The following DPP6 variants were observed in gnomAD, a reference collection of about 807,000 sequenced individuals.
DPP6 encodes the protein A-type potassium channel modulatory protein DPP6.
Under a neutral mutation model 122.6 loss-of-function variants are expected in DPP6, and 69 were observed. That is an observed-to-expected ratio of 0.56 (90% confidence interval 0.46 to 0.69). The LOEUF (loss-of-function observed/expected upper bound fraction) is 0.69. DPP6 is among the 30% of genes least tolerant of loss of function. The probability of loss-of-function intolerance (pLI) is 0.00; values close to 1 mark genes in which losing one functional copy is unlikely to be tolerated. For missense variants in DPP6, 928 were observed against 1,116.9 expected, an observed-to-expected ratio of 0.83 and a Z score of 2.41; for synonymous variants, 418 against 433.1, an observed-to-expected ratio of 0.97 and a Z score of 0.43.
rs73483853 is a variant in DPP6, at chr7:154,563,851, C to T, written c.553-2991C>T. On this transcript the variant is annotated intron_variant, in intron 4 of 25. Transcript: ENST00000377770. ...CTGAAGTTCAAGGTCAGGTCCAGTG[C>T]GGGTTCAGGTGGTCTGGGCTGGAGA... Among the ~76,000 whole-genome samples, 1,315 of 152,136 alleles carry T rather than the reference C, an allele frequency of 8.6e-3. 19 individuals carry two copies. Among genetic ancestry groups the T allele is most frequent in the African/African-American group, 0.028 (1,182 of 41,490 alleles).
At chr7:154,337,499 A>G in intron 1 of DPP6, among the ~76,000 whole-genome samples, 1 of 152,226 alleles carries the variant, frequency 6.6e-6, no homozygotes, top group East Asian at 1.9e-4. Context: ...CGATATCCAC[A>G]CAGTAGATAC....
chr7:154,086,298 A>G (rs1804416454), intron 1 of DPP6, among the ~76,000 whole-genome samples: 1 of 147,368 alleles, frequency 6.8e-6, no homozygotes, highest in African/African-American at 2.5e-5. Flanking sequence ...CACTGTAACT[A>G]AAGAAGGAGG....
intron 8 of DPP6, among the ~76,000 whole-genome samples, chr7:154,750,879 A>C (rs1843345910): frequency 6.6e-6 from 1 of 152,096 alleles, no homozygotes; most frequent in South Asian, 2.1e-4. Context: ...TGTAAGGAGA[A>C]GGACGGCTCA....
chr7:154,519,331 C>A (rs1826787067), intron 3 of DPP6, among the ~76,000 whole-genome samples: 1 of 152,192 alleles, frequency 6.6e-6, no homozygotes, highest in African/African-American at 2.4e-5. Context: ...ACAGACAGCC[C>A]CCTGGAGCCA....
chr7:153,880,246 T>C, the DPP6 span, among the ~76,000 whole-genome samples: 11 of 152,322 alleles, frequency 7.2e-5, no homozygotes, highest in South Asian at 2.3e-3. Context: ...GTTTGACCAT[T>C]GCTCTTCTAT....
intron 5 of DPP6, among the ~76,000 whole-genome samples, chr7:154,575,343 ATGTGTGTGTGGTGTGTG>A (rs1238756013): frequency 3.7e-5 from 1 of 27,322 alleles, no homozygotes; most frequent in East Asian, 1.5e-3. Flanking sequence ...TGGTGTGTGT[ATGTGTGTGTGGTGTGTG>A]TGTGATGTGT....
rs1834391681 is a variant in DPP6 at position 154,618,181 on chromosome 7, G to A, written c.628-19640G>A. Among the ~76,000 whole-genome samples, 1 of 152,148 alleles carries A rather than the reference G, an allele frequency of 6.6e-6. No homozygotes were observed. Among genetic ancestry groups the A allele is most frequent in the African/African-American group, 2.4e-5 (1 of 41,438 alleles). The stretch of plus-strand genomic sequence containing the variant: ...CTGTATGATCCCGGAATTGTACCCT[G>A]TGAAAAAGCATAGCTGCTTTTCTCA... On this transcript the variant is annotated intron_variant, in intron 5 of 25. Coordinates refer to ENST00000377770, the MANE Select transcript of DPP6 (RefSeq NM_130797.4). The surrounding 1 kb of genome is among the most constrained non-coding windows in gnomAD (Gnocchi z 4.1).
At chr7:154,202,251 G>T (rs1799213365) in intron 1 of DPP6, among the ~76,000 whole-genome samples, 1 of 152,134 alleles carries the variant, frequency 6.6e-6, no homozygotes, top group Admixed American at 6.5e-5. Flanking sequence ...TCCTCATAGG[G>T]TTTACAGTCA....
chr7:154,137,858 G>A (rs1563237419), intron 1 of DPP6, among the ~76,000 whole-genome samples: 1 of 152,148 alleles, frequency 6.6e-6, no homozygotes, highest in Non-Finnish European at 1.5e-5. Context: ...AAATGACTGT[G>A]GTATGCAGGG....
At chr7:154,204,752 C>T (rs1327301268) in intron 1 of DPP6, among the ~76,000 whole-genome samples, 2 of 151,640 alleles carry the variant, frequency 1.3e-5, no homozygotes, top group East Asian at 3.9e-4. Context: ...GCAGCAATAA[C>T]CTAGGACTGC....
the DPP6 span, among the ~76,000 whole-genome samples, chr7:153,832,337 G>A: frequency 6.6e-6 from 1 of 152,198 alleles, no homozygotes; most frequent in Non-Finnish European, 1.5e-5. Flanking sequence ...CTCCAGCCAC[G>A]AGGGGGCTCC....
intron 1 of DPP6, among the ~76,000 whole-genome samples, chr7:153,964,951 T>G (rs1445167357): frequency 7.5e-6 from 1 of 132,780 alleles, no homozygotes; most frequent in Non-Finnish European, 1.5e-5. Context: ...TTTCTTTCTT[T>G]CTCTCTTTCT....
chr7:154,779,041 CACA>C (rs1796813122), intron 10 of DPP6, among the ~76,000 whole-genome samples: 3 of 151,748 alleles, frequency 2.0e-5, no homozygotes, highest in East Asian at 1.9e-4. Flanking sequence ...CCACCACCAC[CACA>C]ACTACCCCCA....
At chr7:154,386,271 C>G (rs1466559951) in intron 1 of DPP6, among the ~76,000 whole-genome samples, 1 of 152,108 alleles carries the variant, frequency 6.6e-6, no homozygotes, top group Non-Finnish European at 1.5e-5. Flanking sequence ...ACCAGGAGCA[C>G]CATCTAGGCA....
the DPP6 span, among the ~76,000 whole-genome samples, chr7:153,879,163 A>T: frequency 6.6e-6 from 1 of 152,080 alleles, no homozygotes; most frequent in South Asian, 2.1e-4. Flanking sequence ...AGATGAATGC[A>T]CTGGAGAAGG....
chr7:154,311,461 A>G (rs1401145742), intron 1 of DPP6, among the ~76,000 whole-genome samples: 1 of 151,796 alleles, frequency 6.6e-6, no homozygotes, highest in Non-Finnish European at 1.5e-5. Context: ...CACACCGCTG[A>G]ACTCTAGCCT....
chr7:154,268,127 T>G (rs1803558445), intron 1 of DPP6, among the ~76,000 whole-genome samples: 1 of 152,022 alleles, frequency 6.6e-6, no homozygotes, highest in Non-Finnish European at 1.5e-5. Flanking sequence ...GGTCTGAAAG[T>G]TTATGGTTCT....
In DPP6 at chr7:154,487,411, G is replaced by A. The variant is rs368083347; in HGVS notation, c.457+12374G>A. Among the ~76,000 whole-genome samples the A allele has an allele frequency of 6.6e-5, 10 of 152,146 alleles. No homozygotes were observed. In the South Asian group the frequency reaches 1.4e-3, roughly 22 times the overall value. Reference sequence around the variant, plus strand: ...CAGATGACAGGATACGCCGTGCAGCGTGCCTTGTGGCCAGCCTGGTCTTTC... The same window carrying A: ...CAGATGACAGGATACGCCGTGCAGCATGCCTTGTGGCCAGCCTGGTCTTTC... On this transcript the variant is annotated intron_variant, in intron 3 of 25. Transcript: ENST00000377770.
At chr7:154,227,089 G>T (rs549208609) in intron 1 of DPP6, among the ~76,000 whole-genome samples, 2 of 152,222 alleles carry the variant, frequency 1.3e-5, no homozygotes, top group South Asian at 4.1e-4. Context: ...TTCTCCAAGA[G>T]AAGTGAAATT....
Sources: allele counts gnomAD v4.1 joint callset (sites outside exome capture counted in the v4.1 genomes callset), GRCh38; gene constraint gnomAD v4.1.1; non-coding constraint Gnocchi (gnomAD v3.1); transcripts MANE v1.5; gene names NCBI Gene and HGNC (gene_info 2026-07-23, HGNC 2026-07-21).